RBFOX1: variants seen among roughly 807,000 people sequenced by gnomAD.
RBFOX1 encodes RNA binding fox-1 homolog 1.
In RBFOX1, 8 loss-of-function variants were observed where a neutral mutation model predicts 57.7. The observed-to-expected ratio is 0.14, with a 90% confidence interval of 0.08 to 0.25. RBFOX1 has a LOEUF of 0.25. Ranked by LOEUF, RBFOX1 falls within the 10% of genes least tolerant of loss-of-function variation. The pLI, the probability that RBFOX1 is intolerant of heterozygous loss-of-function variation, is 1.00. For missense variants in RBFOX1, 611 were observed against 548.5 expected (o/e 1.11, Z -1.14); for synonymous variants, 326 against 222.4 (o/e 1.47, Z -4.15).
chr16:5,691,922 C>T (rs1018227583), intron 3 of RBFOX1, among the ~76,000 whole-genome samples: 1 of 152,200 alleles, frequency 6.6e-6, no homozygotes, highest in Admixed American at 6.5e-5. Context: ...CTGCCTTCCT[C>T]CACTTTGTGG....
At chr16:7,224,038 A>G (rs551558755) in intron 4 of RBFOX1, among the ~76,000 whole-genome samples, 12 of 141,800 alleles carry the variant, frequency 8.5e-5, no homozygotes, top group African/African-American at 1.8e-4. Context: ...TGTTGTATTT[A>G]TGACCTTTGG....
chr16:6,915,334 C>T (rs868414574), intron 3 of RBFOX1, among the ~76,000 whole-genome samples: 4 of 152,162 alleles, frequency 2.6e-5, no homozygotes, highest in African/African-American at 4.8e-5. Context: ...CGGTTCCTTT[C>T]TGCAGGGAGG....
intron 2 of RBFOX1, among the ~76,000 whole-genome samples, chr16:5,538,783 T>A (rs1238610955): frequency 6.6e-6 from 1 of 152,042 alleles, no homozygotes; most frequent in Non-Finnish European, 1.5e-5. Context: ...CGCACCACCA[T>A]GCCCAGCTAA....
intron 4 of RBFOX1, among the ~76,000 whole-genome samples, chr16:5,935,492 T>A (rs1419324030): frequency 6.6e-6 from 1 of 152,154 alleles, no homozygotes; most frequent in Non-Finnish European, 1.5e-5. Context: ...TGTTCCTAAT[T>A]GGTACCTGGC....
intron 3 of RBFOX1, among the ~76,000 whole-genome samples, chr16:5,726,177 T>C (rs891909360): frequency 2.0e-5 from 3 of 152,090 alleles, no homozygotes; most frequent in Non-Finnish European, 4.4e-5. Flanking sequence ...TAAAGTGCTG[T>C]AGAGGCCTTT....
At chr16:6,363,305 G>A (rs932522641) in intron 2 of RBFOX1, among the ~76,000 whole-genome samples, 1 of 152,136 alleles carries the variant, frequency 6.6e-6, no homozygotes, top group Non-Finnish European at 1.5e-5. Context: ...CCAAGGGATG[G>A]TTTAATGGCA....
chr16:5,817,210 G>A (rs761746646), intron 3 of RBFOX1, among the ~76,000 whole-genome samples: 18 of 152,174 alleles, frequency 1.2e-4, no homozygotes, highest in Non-Finnish European at 2.1e-4. Flanking sequence ...GTGTTGGGGT[G>A]TGCACTTCTA....
intron 4 of RBFOX1, among the ~76,000 whole-genome samples, chr16:5,898,610 G>C (rs1406248921): frequency 6.7e-6 from 1 of 150,060 alleles, no homozygotes; most frequent in Non-Finnish European, 1.5e-5. Context: ...AGTCTGTTTT[G>C]CAGATGAATG....
chr16:6,138,838 G>T (rs1005620710), intron 1 of RBFOX1, among the ~76,000 whole-genome samples: 1 of 152,176 alleles, frequency 6.6e-6, no homozygotes, highest in South Asian at 2.1e-4. Flanking sequence ...CTGCACTCCA[G>T]CCTGGGCGAC....
chr16:5,987,019 A>G (rs1352384496), intron 4 of RBFOX1, among the ~76,000 whole-genome samples: 4 of 152,130 alleles, frequency 2.6e-5, no homozygotes, highest in Non-Finnish European at 5.9e-5. Context: ...GTTTATTTGC[A>G]TCCTCACCAG....
chr16:7,424,525 G>T (rs1424815430), intron 4 of RBFOX1, among the ~76,000 whole-genome samples: 1 of 152,166 alleles, frequency 6.6e-6, no homozygotes, highest in Non-Finnish European at 1.5e-5. Flanking sequence ...TTCCAAAAGT[G>T]CCGGGATTAC....
At position 7,021,913 on chromosome 16, in the gene RBFOX1, TTTTC is replaced by T. The variant is rs989333092; in HGVS notation, c.-15-30132_-15-30129del. On this transcript the variant is annotated intron_variant, in intron 3 of 15. Transcript: ENST00000550418. ...TTTCTTTCTTTTCTTTCTTTCTTTC[TTTTC>T]TTTCTTTCTTTATTTTCTTTTCTTT... 1.1e-3 allele frequency among the ~76,000 whole-genome samples: 158 copies of T among 149,670 alleles called. 2 individuals are homozygous for T. Among genetic ancestry groups the T allele is most frequent in the Middle Eastern group, 3.4e-3 (1 of 290 alleles).
intron 1 of RBFOX1, among the ~76,000 whole-genome samples, chr16:6,267,606 A>G (rs777483053): frequency 1.3e-5 from 2 of 152,194 alleles, no homozygotes; most frequent in African/African-American, 4.8e-5. Context: ...TTCTGAAGGT[A>G]TGGGTGGAAG....
intron 3 of RBFOX1, among the ~76,000 whole-genome samples, chr16:5,863,941 T>C (rs1437416181): frequency 6.6e-6 from 1 of 152,198 alleles, no homozygotes; most frequent in Non-Finnish European, 1.5e-5. Context: ...CAGAGGTACA[T>C]ATTGCAGGTT....
At chr16:7,063,141 C>T (rs892136890) in intron 4 of RBFOX1, among the ~76,000 whole-genome samples, 5 of 151,922 alleles carry the variant, frequency 3.3e-5, no homozygotes, top group African/African-American at 1.2e-4. Context: ...GAAAGGAGCT[C>T]TTGGTTTAGG....
chr16:5,556,073 C>T (rs1056416054), intron 2 of RBFOX1, among the ~76,000 whole-genome samples: 1 of 152,064 alleles, frequency 6.6e-6, no homozygotes, highest in Admixed American at 6.5e-5. Context: ...CAAAAAACAC[C>T]CTTTCCCTGT....
intron 2 of RBFOX1, among the ~76,000 whole-genome samples, chr16:6,630,245 C>T (rs1175008768): frequency 1.3e-5 from 2 of 152,108 alleles, no homozygotes; most frequent in African/African-American, 4.8e-5. Context: ...GCTTCTTCAT[C>T]CTTCTTCTCC....
chr16:6,279,712 G>A (rs2076185333), intron 1 of RBFOX1, among the ~76,000 whole-genome samples: 1 of 152,162 alleles, frequency 6.6e-6, no homozygotes, highest in East Asian at 1.9e-4. Flanking sequence ...GGCTGTTGAT[G>A]TCAGGGCTTG....
At chr16:6,741,972 A>G (rs2072301692) in intron 3 of RBFOX1, among the ~76,000 whole-genome samples, 1 of 152,172 alleles carries the variant, frequency 6.6e-6, no homozygotes. Context: ...AAAATCATTA[A>G]CAGAGTAGAT....
Sources: gnomAD v4.1 joint callset for allele counts (sites outside exome capture counted in the v4.1 genomes callset) on GRCh38, gnomAD v4.1.1 for gene constraint, MANE v1.5 for transcripts, NCBI Gene and HGNC (gene_info 2026-07-23, HGNC 2026-07-21) for gene names.